The following ESRRG variants were observed in gnomAD, a reference collection of about 807,000 sequenced individuals.
ESRRG encodes estrogen-related receptor gamma.
In ESRRG, 13 loss-of-function variants were observed where a neutral mutation model predicts 44.0. The observed-to-expected ratio is 0.30, with a 90% CI of 0.19 to 0.47. ESRRG has a LOEUF of 0.47. Among genes scored for constraint, ESRRG ranks in the 20% least tolerant of loss-of-function variants. ESRRG has a pLI of 1.00. For missense variants in ESRRG, 395 were observed against 580.6 expected (o/e 0.68, Z 3.29); for synonymous variants, 215 against 214.6 (o/e 1.00, Z -0.02).
intron 6 of ESRRG, among the ~76,000 whole-genome samples, chr1:216,518,828 A>G (rs2045196272): frequency 6.6e-6 from 1 of 152,186 alleles, no homozygotes; most frequent in Admixed American, 6.5e-5. Context: ...CTTACGCATA[A>G]AATACAATAG....
At chr1:217,128,426 T>C (rs2092918705) in intron 1 of ESRRG, among the ~76,000 whole-genome samples, 2 of 152,210 alleles carry the variant, frequency 1.3e-5, no homozygotes, top group African/African-American at 2.4e-5. Flanking sequence ...TTTACAAGCA[T>C]GTCATCTGAC....
chr1:216,943,958 A>G (rs550325377), intron 1 of ESRRG, among the ~76,000 whole-genome samples: 1 of 152,320 alleles, frequency 6.6e-6, no homozygotes, highest in South Asian at 2.1e-4. Flanking sequence ...CCCCCCTGCC[A>G]GGAAACTTGC....
At chr1:216,866,588 T>C (rs2096165880) in intron 2 of ESRRG, among the ~76,000 whole-genome samples, 1 of 151,912 alleles carries the variant, frequency 6.6e-6, no homozygotes, top group Admixed American at 6.6e-5. Flanking sequence ...TTTTTTTTCT[T>C]TGAGATAGGG....
chr1:217,048,002 C>G (rs979754525), intron 1 of ESRRG, among the ~76,000 whole-genome samples: 4 of 152,212 alleles, frequency 2.6e-5, no homozygotes, highest in Non-Finnish European at 5.9e-5. Flanking sequence ...TAGTAGCTCA[C>G]TTCTCTGAAG....
chr1:216,739,126 A>G (rs2090351824), intron 2 of ESRRG, among the ~76,000 whole-genome samples: 1 of 152,148 alleles, frequency 6.6e-6, no homozygotes, highest in Non-Finnish European at 1.5e-5. Flanking sequence ...AATGCTATTA[A>G]TGTTTTCTTC....
chr1:216,956,911 T>C (rs2068059237), intron 1 of ESRRG, among the ~76,000 whole-genome samples: 1 of 152,028 alleles, frequency 6.6e-6, no homozygotes, highest in South Asian at 2.1e-4. Context: ...AACCACAAAA[T>C]AGAACAAAAA....
chr1:216,989,406 T>G (rs182381210), intron 1 of ESRRG, among the ~76,000 whole-genome samples: 1 of 137,436 alleles, frequency 7.3e-6, no homozygotes, highest in Non-Finnish European at 1.5e-5. Flanking sequence ...GCACTCTGTC[T>G]GCATGGTAGA....
At chr1:217,043,837 A>G (rs2084332830) in intron 1 of ESRRG, among the ~76,000 whole-genome samples, 1 of 152,196 alleles carries the variant, frequency 6.6e-6, no homozygotes, top group Non-Finnish European at 1.5e-5. Flanking sequence ...AAATATAGAT[A>G]ATGGTCCCTC....
Position 216,911,024 on chromosome 1 carries a change from CAT to C in ESRRG, c.-14+28556_-14+28557del, listed in dbSNP as rs750130779. On this transcript the variant is annotated intron_variant, in intron 2 of 7. Transcript: ENST00000359162. ...ATTTTTCAGTACAGTGCACTTTACA[CAT>C]GTTTATTCTACATTTATTTATTTAA... is the stretch of plus-strand genomic sequence containing the variant. 2.9e-4 allele frequency among the ~76,000 whole-genome samples: 44 copies of C among 152,190 alleles called. 1 individual carries two copies. The highest frequency in any genetic ancestry group is 4.7e-4 in the Non-Finnish European group (32 of 68,022).
chr1:216,627,716 A>C (rs1364129234), intron 3 of ESRRG, among the ~76,000 whole-genome samples: 1 of 152,216 alleles, frequency 6.6e-6, no homozygotes, highest in Non-Finnish European at 1.5e-5. Flanking sequence ...AATAAAAGGC[A>C]AATGATTATT....
chr1:216,549,373 T>C (rs750525153), intron 5 of ESRRG, among the ~76,000 whole-genome samples: 2 of 151,962 alleles, frequency 1.3e-5, no homozygotes, highest in African/African-American at 2.4e-5. Flanking sequence ...TGAATATTGA[T>C]TGCATTGAGA....
intron 1 of ESRRG, among the ~76,000 whole-genome samples, chr1:216,990,707 T>C (rs1194010398): frequency 3.9e-5 from 6 of 152,196 alleles, no homozygotes; most frequent in African/African-American, 1.4e-4. Context: ...TTAATAACAT[T>C]TTCTTTTCTC....
chr1:216,811,771 C>A (rs1264686273), intron 2 of ESRRG, among the ~76,000 whole-genome samples: 1 of 152,152 alleles, frequency 6.6e-6, no homozygotes, highest in Non-Finnish European at 1.5e-5. Context: ...GAAAAAAATA[C>A]AGTACCATTG....
At chr1:216,911,272 C>G (rs559000212) in intron 2 of ESRRG, among the ~76,000 whole-genome samples, 6 of 152,026 alleles carry the variant, frequency 3.9e-5, no homozygotes, top group African/African-American at 1.4e-4. Flanking sequence ...TACATCGAGA[C>G]GCTGGACTGT....
intron 2 of ESRRG, among the ~76,000 whole-genome samples, chr1:216,751,707 T>C (rs1264452413): frequency 1.3e-5 from 2 of 152,144 alleles, no homozygotes; most frequent in South Asian, 2.1e-4. Flanking sequence ...AAGGCCTCCC[T>C]AGATAACCTG....
intron 3 of ESRRG, among the ~76,000 whole-genome samples, chr1:216,593,741 T>G (rs896009755): frequency 1.3e-5 from 2 of 152,178 alleles, no homozygotes; most frequent in African/African-American, 4.8e-5. Context: ...TACTGACTTT[T>G]TGTGTGTGTG....
In ESRRG at chr1:216,941,882, T is replaced by C. The variant is rs1560199065; in HGVS notation, c.-105-2209A>G. 3.3e-5 allele frequency among the ~76,000 whole-genome samples: 5 copies of C among 152,320 alleles called. No homozygotes were observed. The South Asian group carries it at 1.0e-3, about 32-fold the overall frequency. Reference sequence around the variant, plus strand: ...TTTTTTCCCTTGTCTGCAAATATTCTAAATTCCAAACAACCAGTTTTATTT... The same window carrying C: ...TTTTTTCCCTTGTCTGCAAATATTCCAAATTCCAAACAACCAGTTTTATTT... On this transcript the variant is annotated intron_variant, in intron 1 of 7. Transcript: ENST00000359162.
chr1:216,996,239 A>T (rs2076358963), intron 1 of ESRRG, among the ~76,000 whole-genome samples: 1 of 152,146 alleles, frequency 6.6e-6, no homozygotes, highest in Non-Finnish European at 1.5e-5. Flanking sequence ...AAAGAGGAAA[A>T]AGAGGAGGAA....
chr1:217,003,564 TTAATACTA>T (rs1459680203), intron 1 of ESRRG, among the ~76,000 whole-genome samples: 1 of 147,566 alleles, frequency 6.8e-6, no homozygotes, highest in Non-Finnish European at 1.5e-5. Context: ...AATATTAGTA[TTAATACTA>T]ATTAATAAGT....
Sources: allele counts gnomAD v4.1 joint callset (sites outside exome capture counted in the v4.1 genomes callset), GRCh38; gene constraint gnomAD v4.1.1; transcripts MANE v1.5; gene names NCBI Gene and HGNC (gene_info 2026-07-23, HGNC 2026-07-21).